Variants in CTNNA3 observed in about 807,000 individuals in gnomAD.
CTNNA3 encodes catenin alpha-3.
In CTNNA3, 76 loss-of-function variants were observed where a neutral mutation model predicts 95.7. The observed-to-expected ratio is 0.79, with a 90% CI of 0.66 to 0.96. The LOEUF (loss-of-function observed/expected upper bound fraction) is 0.96. Among genes scored for constraint, CTNNA3 ranks in the 40% least tolerant of loss-of-function variants. The pLI is 0.00. For synonymous variants in CTNNA3, 431 were observed against 374.4 expected, an observed-to-expected ratio of 1.15 and a Z score of -1.74; for missense variants, 1,191 against 1,089.8, an observed-to-expected ratio of 1.09 and a Z score of -1.31.
At chr10:67,243,353 A>G (rs557659924) in intron 5 of CTNNA3, among the ~76,000 whole-genome samples, 2 of 152,296 alleles carry the variant, frequency 1.3e-5, no homozygotes, top group South Asian at 2.1e-4. Context: ...GTTCCTCACT[A>G]GTAGCACTAG....
chr10:66,030,109 T>A (rs914820539), intron 15 of CTNNA3, among the ~76,000 whole-genome samples: 4 of 152,050 alleles, frequency 2.6e-5, no homozygotes, highest in Non-Finnish European at 2.9e-5. Context: ...TGCTCATGGG[T>A]AGGGAGAATC....
In CTNNA3 at chr10:67,004,370, G is replaced by C. The variant is rs116342572; in HGVS notation, c.1047+175947C>G. ...AATCAAAAAATTAAATGGTAATGAT[G>C]AGGATGAGAAAAGGAGAGAAATGTA... On this transcript the variant is annotated intron_variant, in intron 7 of 17. Coordinates refer to ENST00000433211, the MANE Select transcript of CTNNA3 (RefSeq NM_013266.4). Among the ~76,000 whole-genome samples, 765 of 152,304 alleles carry C rather than the reference G, an allele frequency of 5.0e-3. 7 individuals carry two copies. Among genetic ancestry groups the C allele is most frequent in the African/African-American group, 0.017 (723 of 41,574 alleles).
intron 13 of CTNNA3, among the ~76,000 whole-genome samples, chr10:66,214,222 C>G (rs926543483): frequency 1.3e-5 from 2 of 152,128 alleles, no homozygotes; most frequent in Non-Finnish European, 2.9e-5. Flanking sequence ...GGAAAAGGTG[C>G]CCATTGAAAT....
chr10:67,204,439 C>T (rs772099801), intron 6 of CTNNA3, among the ~76,000 whole-genome samples: 23 of 152,278 alleles, frequency 1.5e-4, no homozygotes, highest in Admixed American at 5.2e-4. Flanking sequence ...CCTTCCACCA[C>T]GATTGAAAGT....
At chr10:67,112,686 A>G (rs1371494393) in intron 7 of CTNNA3, among the ~76,000 whole-genome samples, 1 of 151,618 alleles carries the variant, frequency 6.6e-6, no homozygotes. Context: ...CAGTTCTAAC[A>G]CTGTAATTAA....
At chr10:66,676,175 G>GAAA (rs11372052) in intron 9 of CTNNA3, among the ~76,000 whole-genome samples, 5 of 150,450 alleles carry the variant, frequency 3.3e-5, no homozygotes, top group African/African-American at 1.2e-4. Flanking sequence ...TGGACTGGGG[G>GAAA]AAAAAGAAAA....
intron 5 of CTNNA3, among the ~76,000 whole-genome samples, chr10:67,305,378 TAA>T (rs562331483): frequency 7.6e-5 from 8 of 105,490 alleles, no homozygotes; most frequent in South Asian, 2.8e-4. Context: ...AAAAAAAAAT[TAA>T]AAAAAAAAAA....
At chr10:67,510,434 C>A (rs553610408) in intron 5 of CTNNA3, among the ~76,000 whole-genome samples, 8 of 150,896 alleles carry the variant, frequency 5.3e-5, no homozygotes, top group South Asian at 4.2e-4. Context: ...GCACCATTTA[C>A]TAAATAGGGA....
At chr10:66,557,366 G>A (rs1842423487) in intron 10 of CTNNA3, among the ~76,000 whole-genome samples, 1 of 152,086 alleles carries the variant, frequency 6.6e-6, no homozygotes, top group African/African-American at 2.4e-5. Flanking sequence ...AATTTCCCAT[G>A]TATCATTCAC....
chr10:67,602,929 C>A (rs1843133001), intron 3 of CTNNA3, among the ~76,000 whole-genome samples: 1 of 152,114 alleles, frequency 6.6e-6, no homozygotes, highest in African/African-American at 2.4e-5. Flanking sequence ...TATAAAGTGA[C>A]AAAAGGATGC....
At chr10:66,261,439 A>C (rs545801338) in intron 13 of CTNNA3, among the ~76,000 whole-genome samples, 2 of 152,200 alleles carry the variant, frequency 1.3e-5, no homozygotes, top group South Asian at 4.2e-4. Context: ...ATATTTTTCA[A>C]ATTGCCTTTA....
At position 67,718,685 on chromosome 10, in the gene CTNNA3, G is replaced by A. The variant is rs190254429; in HGVS notation, c.-2+44749C>T. The stretch of plus-strand genomic sequence containing the variant: ...CTTGATTGTGGTAGATAAGCTTTTT[G>A]ATGTGCTGCTGGATTTGGTTTGCAT... On this transcript the variant is annotated intron_variant, in intron 1 of 17. Transcript: ENST00000684154. 1.8e-3 allele frequency among the ~76,000 whole-genome samples: 278 copies of A among 152,270 alleles called. 3 individuals are homozygous for A. The highest frequency in any genetic ancestry group is 0.017 in the Middle Eastern group (5 of 294).
At chr10:66,663,533 C>A (rs1404815333) in intron 9 of CTNNA3, among the ~76,000 whole-genome samples, 1 of 151,048 alleles carries the variant, frequency 6.6e-6, no homozygotes, top group East Asian at 1.9e-4. Flanking sequence ...TGCTTTTCAC[C>A]TAGGCTTAAG....
At chr10:67,666,017 T>C (rs535757008) in intron 1 of CTNNA3, among the ~76,000 whole-genome samples, 2 of 152,326 alleles carry the variant, frequency 1.3e-5, no homozygotes, top group Non-Finnish European at 2.9e-5. Flanking sequence ...AATATGCCTG[T>C]TATTTTTAAC....
chr10:67,000,036 T>G (rs564758692), intron 7 of CTNNA3, among the ~76,000 whole-genome samples: 3 of 152,158 alleles, frequency 2.0e-5, no homozygotes, highest in Non-Finnish European at 4.4e-5. Context: ...TTTTCACAAT[T>G]AAAACTACTG....
At chr10:67,208,378 C>CAAAAAAAAAAAAAAAAAAAAAA (rs3056794) in intron 6 of CTNNA3, among the ~76,000 whole-genome samples, 1 of 93,180 alleles carries the variant, frequency 1.1e-5, no homozygotes, top group East Asian at 3.4e-4. Flanking sequence ...GACTCTGTCT[C>CAAAAAAAAAAAAAAAAAAAAAA]AAAAAAAAAA....
At chr10:67,550,284 T>A (rs1840978543) in intron 3 of CTNNA3, among the ~76,000 whole-genome samples, 1 of 152,140 alleles carries the variant, frequency 6.6e-6, no homozygotes, top group African/African-American at 2.4e-5. Flanking sequence ...CCCCGAAGAA[T>A]ACTCAGCCAG....
chr10:67,037,731 G>A (rs1854152109), intron 7 of CTNNA3, among the ~76,000 whole-genome samples: 1 of 152,198 alleles, frequency 6.6e-6, no homozygotes, highest in African/African-American at 2.4e-5. Context: ...TGTAGGTGGT[G>A]TGAGAGGAGG....
chr10:66,780,618 T>A (rs1040175341), intron 7 of CTNNA3, among the ~76,000 whole-genome samples: 3 of 152,206 alleles, frequency 2.0e-5, no homozygotes, highest in Admixed American at 2.0e-4. Context: ...GCTCATTTCA[T>A]TAGTATTTGT....
Sources: allele counts gnomAD v4.1 joint callset (sites outside exome capture counted in the v4.1 genomes callset), GRCh38; gene constraint gnomAD v4.1.1; transcripts MANE v1.5; gene names NCBI Gene and HGNC (gene_info 2026-07-23, HGNC 2026-07-21).